The following PDGFD variants were observed in gnomAD, a reference collection of about 807,000 sequenced individuals.
PDGFD encodes platelet derived growth factor D.
PDGFD carries 30 observed loss-of-function variants against 44.7 expected under a neutral mutation model. The ratio of observed to expected loss-of-function variants is 0.67; its 90% confidence interval spans 0.50 to 0.91. The LOEUF (loss-of-function observed/expected upper bound fraction) is 0.91, where lower values mean the gene tolerates loss of function less well. Among genes scored for constraint, PDGFD ranks in the 40% least tolerant of loss-of-function variants. PDGFD has a pLI of 0.00. For synonymous variants in PDGFD, 173 were observed against 168.4 expected (o/e 1.03, Z -0.21); for missense variants, 445 against 457.8 (o/e 0.97, Z 0.25).
chr11:104,119,341 TG>T (rs1178185323), intron 1 of PDGFD, among the ~76,000 whole-genome samples: 93 of 59,562 alleles, frequency 1.6e-3, no homozygotes, highest in South Asian at 3.6e-3. Context: ...TATAATATAT[TG>T]ATATAATATA....
At chr11:103,920,518 G>A (rs577368899) in intron 6 of PDGFD, among the ~76,000 whole-genome samples, 1 of 152,354 alleles carries the variant, frequency 6.6e-6, no homozygotes, top group South Asian at 2.1e-4. Flanking sequence ...CATGTGGCAA[G>A]TTTGCCGCTT....
chr11:103,989,880 C>A (rs1361227961), intron 3 of PDGFD, among the ~76,000 whole-genome samples: 1 of 151,978 alleles, frequency 6.6e-6, no homozygotes, highest in Admixed American at 6.6e-5. Flanking sequence ...TTTCCTTCCC[C>A]ATAGAAATTA....
chr11:104,061,854 C>T (rs1404970957), intron 1 of PDGFD, among the ~76,000 whole-genome samples: 3 of 152,196 alleles, frequency 2.0e-5, no homozygotes, highest in South Asian at 2.1e-4. Flanking sequence ...GTGATCCGCC[C>T]GCCTTGGCCT....
intron 1 of PDGFD, among the ~76,000 whole-genome samples, chr11:104,103,248 C>T (rs1861421893): frequency 6.6e-6 from 1 of 151,934 alleles, no homozygotes; most frequent in Non-Finnish European, 1.5e-5. Context: ...TGAGTTCTGG[C>T]TTACTACAAG....
At chr11:104,105,195 T>C (rs1358036032) in intron 1 of PDGFD, among the ~76,000 whole-genome samples, 1 of 152,164 alleles carries the variant, frequency 6.6e-6, no homozygotes, top group African/African-American at 2.4e-5. Context: ...ACAGCTGGTA[T>C]GGTTTTGACC....
At chr11:104,038,076 G>A in intron 1 of PDGFD, 1 of 1,465,864 alleles carries the variant, frequency 6.8e-7, no homozygotes, top group Non-Finnish European at 9.2e-7. Flanking sequence ...TATAAGTTAA[G>A]AGCTTACTGG....
intron 2 of PDGFD, among the ~76,000 whole-genome samples, chr11:103,997,592 G>C (rs1859552730): frequency 6.6e-6 from 1 of 152,048 alleles, no homozygotes; most frequent in Non-Finnish European, 1.5e-5. Flanking sequence ...TATGGTGCTT[G>C]GAAGGTAAAA....
At chr11:103,967,987 G>A (rs1357714006) in intron 3 of PDGFD, among the ~76,000 whole-genome samples, 1 of 152,110 alleles carries the variant, frequency 6.6e-6, no homozygotes, top group Non-Finnish European at 1.5e-5. Context: ...CCACTGTGAT[G>A]TAAAGACTCT....
chr11:104,025,262 A>C (rs1860024795), intron 1 of PDGFD, among the ~76,000 whole-genome samples: 1 of 152,214 alleles, frequency 6.6e-6, no homozygotes, highest in East Asian at 1.9e-4. Context: ...GGACATGCAG[A>C]ATTAATAAAA....
At chr11:104,117,300 C>T (rs1435552628) in intron 1 of PDGFD, among the ~76,000 whole-genome samples, 1 of 151,890 alleles carries the variant, frequency 6.6e-6, no homozygotes, top group East Asian at 1.9e-4. Context: ...AAGTTGAAAG[C>T]ATTCCCTCTG....
At chr11:104,060,475 A>C (rs1860696550) in intron 1 of PDGFD, among the ~76,000 whole-genome samples, 1 of 152,158 alleles carries the variant, frequency 6.6e-6, no homozygotes, top group African/African-American at 2.4e-5. Flanking sequence ...GTTTTCTCTC[A>C]GTGCAGGGGT....
intron 1 of PDGFD, among the ~76,000 whole-genome samples, chr11:104,084,144 G>C (rs978870439): frequency 4.6e-5 from 7 of 152,166 alleles, no homozygotes; most frequent in Admixed American, 1.3e-4. Flanking sequence ...ATGCATTGGG[G>C]AACCACAGTG....
intron 3 of PDGFD, among the ~76,000 whole-genome samples, chr11:103,991,306 T>A (rs1433658882): frequency 1.3e-5 from 2 of 152,092 alleles, no homozygotes; most frequent in Non-Finnish European, 2.9e-5. Flanking sequence ...CCCTGGGCTG[T>A]TCTCCTCCTC....
chr11:104,123,000 T>C (rs1482524183), intron 1 of PDGFD, among the ~76,000 whole-genome samples: 1 of 152,082 alleles, frequency 6.6e-6, no homozygotes, highest in Non-Finnish European at 1.5e-5. Context: ...TACATTTTTG[T>C]CCCTACTAAT....
chr11:103,930,467 T>C (rs552001218), intron 5 of PDGFD, among the ~76,000 whole-genome samples: 1 of 151,684 alleles, frequency 6.6e-6, no homozygotes, highest in Non-Finnish European at 1.5e-5. Flanking sequence ...CATGAGTGCA[T>C]GAAATACTCA....
rs1857981607 is a variant in PDGFD, at chr11:103,908,802, C to G, written c.*892G>C. The G allele has an allele frequency of 6.6e-6, 1 of 152,150 alleles. No homozygotes were observed. The allele number at this position is 152,150 out of a possible 1,614,324, so 9.4% of individuals were successfully genotyped here. A position where few individuals can be genotyped will look rare whatever the true frequency, so the allele number is the denominator to read the frequency against. On this transcript the variant is annotated 3_prime_UTR_variant, in exon 7 of 7. Coordinates refer to ENST00000393158, the MANE Select transcript of PDGFD (RefSeq NM_025208.5). ...ACCCACATCTTTCACTGAACACCAT[C>G]TGGAAAGGTTCATACAGAATGCCCA...
chr11:104,007,532 T>C (rs1484055398), intron 1 of PDGFD, among the ~76,000 whole-genome samples: 1 of 152,214 alleles, frequency 6.6e-6, no homozygotes, highest in Non-Finnish European at 1.5e-5. Context: ...AGTGATATAG[T>C]TGCAGGCTGT....
intron 1 of PDGFD, among the ~76,000 whole-genome samples, chr11:104,128,794 A>G (rs956016361): frequency 3.3e-5 from 5 of 152,162 alleles, no homozygotes; most frequent in African/African-American, 9.7e-5. Context: ...GAAATAATGC[A>G]CATTGATAAT....
chr11:104,108,804 A>G (rs1274448999), intron 1 of PDGFD, among the ~76,000 whole-genome samples: 1 of 152,168 alleles, frequency 6.6e-6, no homozygotes, highest in Non-Finnish European at 1.5e-5. Context: ...ACCAACCCAA[A>G]TGTCCATCGA....
Sources: allele counts gnomAD v4.1 joint callset (sites outside exome capture counted in the v4.1 genomes callset), GRCh38; gene constraint gnomAD v4.1.1; transcripts MANE v1.5; gene names NCBI Gene and HGNC (gene_info 2026-07-23, HGNC 2026-07-21).